Variants in ITPR1 observed in about 807,000 individuals in gnomAD.
ITPR1 encodes the protein inositol 1,4,5-trisphosphate-gated calcium channel ITPR1.
A neutral mutation model predicts 318.4 loss-of-function variants in ITPR1; 96 were observed. The ratio of observed to expected loss-of-function variants is 0.30; its 90% CI spans 0.26 to 0.36. The LOEUF (loss-of-function observed/expected upper bound fraction) is 0.36. Ranked by LOEUF, ITPR1 falls within the 10% of genes least tolerant of loss-of-function variation. ITPR1 has a pLI of 1.00. For missense variants in ITPR1, 2,440 were observed against 3,460.2 expected (o/e 0.71, Z 7.40); for synonymous variants, 1,312 against 1,289.9 (o/e 1.02, Z -0.37).
intron 4 of ITPR1, among the ~76,000 whole-genome samples, chr3:4,543,263 A>G (rs1486388185): frequency 6.8e-6 from 1 of 148,138 alleles, no homozygotes; most frequent in East Asian, 2.0e-4. Context: ...GCCTGTCTCA[A>G]AAAAAAAAAA....
At chr3:4,794,382 G>T (rs1256392355) in intron 52 of ITPR1, among the ~76,000 whole-genome samples, 4 of 152,208 alleles carry the variant, frequency 2.6e-5, no homozygotes, top group African/African-American at 9.6e-5. Flanking sequence ...CTCTGCCACA[G>T]CCCTGGAGAT....
chr3:4,766,472 G>T (rs972952807), intron 44 of ITPR1, 58 bp from the exon 45 acceptor site: 5 of 1,457,320 alleles, frequency 3.4e-6, no homozygotes, highest in Admixed American at 1.8e-5. Flanking sequence ...GGTGTCATGA[G>T]TGGGGTGCAG....
intron 13 of ITPR1, 80 bp downstream of exon 13, chr3:4,658,358 G>A (rs867092211): frequency 6.7e-6 from 8 of 1,187,264 alleles, no homozygotes; most frequent in East Asian, 2.4e-5. Flanking sequence ...AATCCAAATC[G>A]TTACTGCCTT....
intron 5 of ITPR1, among the ~76,000 whole-genome samples, chr3:4,636,449 T>C (rs2093192397): frequency 6.6e-6 from 1 of 152,196 alleles, no homozygotes; most frequent in South Asian, 2.1e-4. Flanking sequence ...TTATCTGTTT[T>C]TGAGATGGAG....
chr3:4,499,194 G>A (rs1408331652), intron 2 of ITPR1, among the ~76,000 whole-genome samples: 1 of 152,180 alleles, frequency 6.6e-6, no homozygotes, highest in East Asian at 1.9e-4. Context: ...CATATTCATT[G>A]TAGTGCAACA....
intron 44 of ITPR1, among the ~76,000 whole-genome samples, chr3:4,754,832 C>T (rs1249161778): frequency 1.3e-5 from 2 of 152,218 alleles, no homozygotes; most frequent in Non-Finnish European, 2.9e-5. Flanking sequence ...ATCTATTTTA[C>T]ATCTGTTTTC....
At chr3:4,589,214 A>T (rs2090179138) in intron 4 of ITPR1, among the ~76,000 whole-genome samples, 1 of 152,180 alleles carries the variant, frequency 6.6e-6, no homozygotes, top group Admixed American at 6.5e-5. Context: ...AACCTAGGAG[A>T]CATATTCATA....
chr3:4,574,205 T>C (rs1421252546), intron 4 of ITPR1, among the ~76,000 whole-genome samples: 1 of 152,094 alleles, frequency 6.6e-6, no homozygotes, highest in African/African-American at 2.4e-5. Context: ...TATCTTCTTT[T>C]TTTTTTTTTC....
At chr3:4,647,628 T>C (rs998192357) in intron 10 of ITPR1, among the ~76,000 whole-genome samples, 2 of 152,252 alleles carry the variant, frequency 1.3e-5, no homozygotes, top group Non-Finnish European at 2.9e-5. Flanking sequence ...TTTTCAATGT[T>C]ACTCGTTCTA....
chr3:4,775,166 C>G, intron 46 of ITPR1, 76 bp from the exon 47 acceptor site: 1 of 1,068,454 alleles, frequency 9.4e-7, no homozygotes, highest in Non-Finnish European at 1.5e-6. Context: ...TAGAGGCTAT[C>G]AGAATGGCAG....
At chr3:4,626,771 G>C (rs1485802297) in intron 4 of ITPR1, among the ~76,000 whole-genome samples, 1 of 152,156 alleles carries the variant, frequency 6.6e-6, no homozygotes, top group African/African-American at 2.4e-5. Flanking sequence ...CTTGCACACA[G>C]TACTCAAGAG....
chr3:4,575,054 T>C (rs2088482110), intron 4 of ITPR1, among the ~76,000 whole-genome samples: 2 of 152,264 alleles, frequency 1.3e-5, no homozygotes, highest in Non-Finnish European at 2.9e-5. Flanking sequence ...TCAGGTTCTC[T>C]ACTTATGATT....
At chr3:4,611,057 CCCTTCCTT>C (rs1356384689) in intron 4 of ITPR1, among the ~76,000 whole-genome samples, 3 of 88,324 alleles carry the variant, frequency 3.4e-5, no homozygotes, top group Non-Finnish European at 6.3e-5. Flanking sequence ...CTCCCTCCCT[CCCTTCCTT>C]CCTTCCCTTT....
intron 44 of ITPR1, among the ~76,000 whole-genome samples, chr3:4,764,334 G>A (rs1280682140): frequency 1.3e-5 from 2 of 152,232 alleles, no homozygotes; most frequent in Non-Finnish European, 2.9e-5. Flanking sequence ...TGACCATGGG[G>A]AGGGGGGCAT....
At chr3:4,814,168 A>T in intron 57 of ITPR1, 1 of 472,822 alleles carries the variant, frequency 2.1e-6, no homozygotes, top group Non-Finnish European at 3.9e-6. Context: ...TGAAAAGGAC[A>T]GGGCATGTTT....
At chr3:4,506,526 A>G (rs1289973660) in intron 2 of ITPR1, among the ~76,000 whole-genome samples, 6 of 151,962 alleles carry the variant, frequency 3.9e-5, no homozygotes, top group Non-Finnish European at 8.8e-5. Flanking sequence ...TATACTCATC[A>G]CTATCTGATT....
At chr3:4,495,968 C>T (rs768477777) in intron 2 of ITPR1, among the ~76,000 whole-genome samples, 38 of 152,082 alleles carry the variant, frequency 2.5e-4, no homozygotes, top group Non-Finnish European at 2.2e-4. Flanking sequence ...AGGATGTAGC[C>T]ACAAACATAG....
chr3:4,508,408 G>C (rs1334266044), intron 2 of ITPR1, among the ~76,000 whole-genome samples: 2 of 150,638 alleles, frequency 1.3e-5, no homozygotes, highest in African/African-American at 4.9e-5. Context: ...TCAGTTTCAG[G>C]AGTTGTTAAC....
chr3:4,685,013 TC>T, intron 29 of ITPR1, 55 bp from the exon 30 acceptor site: 1 of 1,572,924 alleles, frequency 6.4e-7, no homozygotes, highest in Non-Finnish European at 8.7e-7. Flanking sequence ...CCCTCTGCAA[TC>T]TTTTTCCAGC....
Sources: allele counts gnomAD v4.1 joint callset (sites outside exome capture counted in the v4.1 genomes callset), GRCh38; gene constraint gnomAD v4.1.1; transcripts MANE v1.5; gene names NCBI Gene and HGNC (gene_info 2026-07-23, HGNC 2026-07-21).